OLFM4: variants seen among roughly 807,000 people sequenced by gnomAD.
The protein encoded by OLFM4 is olfactomedin 4.
In OLFM4, 22 loss-of-function variants were observed where a neutral mutation model predicts 25.5. The observed-to-expected ratio is 0.86, with a 90% CI of 0.62 to 1.23. The LOEUF is 1.23. Among genes scored for constraint, OLFM4 ranks in the 50% most tolerant of loss-of-function variants. The pLI is 0.00. For synonymous variants in OLFM4, 255 were observed against 237.7 expected (o/e 1.07, Z -0.67); for missense variants, 594 against 619.4 (o/e 0.96, Z 0.44).
Position 53,049,997 on chromosome 13 carries a change from C to T in OLFM4, c.759C>T (p.Asn253=), listed in dbSNP as rs759465483. 3 of 1,609,542 alleles carry T rather than the reference C, an allele frequency of 1.9e-6. No individual in the cohort carries two copies. In the African/African-American group the frequency reaches 4.0e-5, roughly 22 times the overall value. ...GCTGTGGTCATGGTGGTGTGGTGAA[C>T]ATCAGCAAACCGTCTGTGGTTCAGC... ...PGSCGHGGVV[N]ISKPSVVQLN... is the part of the protein sequence containing the mutation. Residue 253 remains asparagine (N), a synonymous_variant, in exon 5 of 5, where the codon AAC becomes AAT. Coordinates refer to ENST00000219022, the MANE Select transcript of OLFM4 (RefSeq NM_006418.5).
At chr13:53,045,319 C>A (rs559697771) in intron 4 of OLFM4, among the ~76,000 whole-genome samples, 2 of 152,148 alleles carry the variant, frequency 1.3e-5, no homozygotes, top group East Asian at 1.9e-4. Context: ...CAAATTGGAC[C>A]CAGATTTTTA....
chr13:53,042,567 A>G lies in OLFM4; in HGVS notation c.570+445A>G, dbSNP rs541072288. ...CCTGGAATCCTTCTCTGCAAACTGG[A>G]AACCCCCTTTAAGAAATTTCTTGTA... On this transcript the variant is annotated intron_variant, in intron 3 of 4. Coordinates refer to ENST00000219022, the MANE Select transcript of OLFM4 (RefSeq NM_006418.5). Among the ~76,000 whole-genome samples the G allele has an allele frequency of 2.7e-4, 41 of 152,328 alleles. 1 individual carries two copies. The South Asian group carries it at 7.5e-3, about 28-fold the overall frequency.
intron 1 of OLFM4, among the ~76,000 whole-genome samples, chr13:53,029,609 G>A (rs1954618154): frequency 6.6e-6 from 1 of 152,178 alleles, no homozygotes; most frequent in Non-Finnish European, 1.5e-5. Flanking sequence ...TATAAAGGAG[G>A]TGGGTGTCAG....
chr13:53,038,946 A>G (rs3803261), intron 2 of OLFM4, among the ~76,000 whole-genome samples: 35,707 of 152,228 alleles, frequency 0.23, 5,075 homozygotes, highest in East Asian at 0.43. Context: ...ACCACTGAGC[A>G]TCCTTTAAGT....
chr13:53,043,968 G>A (rs1321954499), intron 4 of OLFM4, among the ~76,000 whole-genome samples: 1 of 152,194 alleles, frequency 6.6e-6, no homozygotes, highest in African/African-American at 2.4e-5. Context: ...AACAGAGGCA[G>A]TGGAGTGTAG....
In OLFM4 at chr13:53,034,520, A is replaced by C. The variant is rs763980696; in HGVS notation, c.357+20A>C. Reference sequence around the variant, plus strand: ...TCCAAAGTAAGCATTTTCTTTTCAAACAATATCTTGATAAAGAGAAACAAA... The same window carrying C: ...TCCAAAGTAAGCATTTTCTTTTCAACCAATATCTTGATAAAGAGAAACAAA... On this transcript the variant is annotated intron_variant, in intron 2 of 4. Transcript: ENST00000219022. 5 of 1,588,892 alleles carry C rather than the reference A, an allele frequency of 3.1e-6. No homozygotes were observed. The East Asian group carries it at 1.1e-4, about 36-fold the overall frequency.
At chr13:53,032,724 A>T (rs1566315081) in intron 1 of OLFM4, among the ~76,000 whole-genome samples, 1 of 150,688 alleles carries the variant, frequency 6.6e-6, no homozygotes, top group Non-Finnish European at 1.5e-5. Flanking sequence ...ACACACACAT[A>T]TTTTTTTTTT....
At chr13:53,035,867 C>T (rs1954655690) in intron 2 of OLFM4, among the ~76,000 whole-genome samples, 1 of 152,160 alleles carries the variant, frequency 6.6e-6, no homozygotes. Flanking sequence ...GTTTTGACTC[C>T]TTCCACCTTT....
chr13:53,042,337 A>T (rs1954692363), intron 3 of OLFM4, among the ~76,000 whole-genome samples: 2 of 152,222 alleles, frequency 1.3e-5, no homozygotes, highest in Non-Finnish European at 2.9e-5. Context: ...TTAGGAGCAG[A>T]TGTTGTCTAA....
intron 2 of OLFM4, among the ~76,000 whole-genome samples, chr13:53,040,866 GA>G (rs1407959368): frequency 6.6e-6 from 1 of 151,912 alleles, no homozygotes; most frequent in East Asian, 1.9e-4. Flanking sequence ...TGGAGATTAA[GA>G]AAAAAGGGCT....
chr13:53,048,551 G>A (rs1370470759), intron 4 of OLFM4, among the ~76,000 whole-genome samples: 4 of 152,204 alleles, frequency 2.6e-5, no homozygotes, highest in Non-Finnish European at 4.4e-5. Context: ...GGATGGGGAG[G>A]GAAAGCATTT....
chr13:53,034,664 T>C (rs1179105677), intron 2 of OLFM4, among the ~76,000 whole-genome samples, 164 bp downstream of exon 2: 1 of 152,216 alleles, frequency 6.6e-6, no homozygotes, highest in African/African-American at 2.4e-5. Flanking sequence ...GGAGTTCTTA[T>C]TAAGGCAGGG....
intron 1 of OLFM4, among the ~76,000 whole-genome samples, chr13:53,029,824 A>C (rs1278829517): frequency 1.3e-5 from 2 of 152,230 alleles, no homozygotes; most frequent in Non-Finnish European, 1.5e-5. Flanking sequence ...CATTGAAGGC[A>C]TAGTAAGCCA....
chr13:53,046,248 A>G (rs2138241106), intron 4 of OLFM4, among the ~76,000 whole-genome samples: 1 of 152,354 alleles, frequency 6.6e-6, no homozygotes, highest in Non-Finnish European at 1.5e-5. Flanking sequence ...ATCCAAGACT[A>G]ATTTTCCTCT....
chr13:53,033,466 T>G (rs1954639487), intron 1 of OLFM4, among the ~76,000 whole-genome samples: 1 of 152,194 alleles, frequency 6.6e-6, no homozygotes, highest in Non-Finnish European at 1.5e-5. Flanking sequence ...GATTCCCTCA[T>G]TCTGATGAAA....
At chr13:53,041,087 G>T (rs1449893602) in intron 2 of OLFM4, among the ~76,000 whole-genome samples, 1 of 152,076 alleles carries the variant, frequency 6.6e-6, no homozygotes, top group Non-Finnish European at 1.5e-5. Flanking sequence ...GAACTAAAAA[G>T]AACTATTATT....
rs145322330 is a variant in OLFM4 at position 53,028,900 on chromosome 13, T to C, written c.64T>C (p.Leu22=). The change falls in exon 1 of 5, where the codon TTG becomes CTG. Residue 22 remains leucine (L), a synonymous_variant. Transcript: ENST00000219022. ...CTTCCTTGGCCAAGCTGCAGGGGAT[T>C]TGGGGGATGTGGGACCTCCAATTCC... is the stretch of plus-strand genomic sequence containing the variant. The part of the protein sequence containing the change: ...LFFLGQAAGD[L]GDVGPPIPSP... The C allele has an allele frequency of 5.6e-6, 9 of 1,614,042 alleles. No homozygotes were observed. In the African/African-American group the frequency reaches 1.2e-4, roughly 22 times the overall value.
At chr13:53,045,858 CT>C (rs911597923) in intron 4 of OLFM4, among the ~76,000 whole-genome samples, 2 of 152,146 alleles carry the variant, frequency 1.3e-5, no homozygotes, top group African/African-American at 4.8e-5. Flanking sequence ...TACTCATTAA[CT>C]TTTTTCCCTT....
chr13:53,044,323 G>T (rs1954703902), intron 4 of OLFM4, among the ~76,000 whole-genome samples: 1 of 152,156 alleles, frequency 6.6e-6, no homozygotes, highest in Non-Finnish European at 1.5e-5. Context: ...AGATATCAAT[G>T]ACACAGGGAC....
Sources: gnomAD v4.1 joint callset for allele counts (sites outside exome capture counted in the v4.1 genomes callset) on GRCh38, gnomAD v4.1.1 for gene constraint, MANE v1.5 for transcripts, NCBI Gene and HGNC (gene_info 2026-07-23, HGNC 2026-07-21) for gene names.